The following RAB27A variants were observed in gnomAD, a reference collection of about 807,000 sequenced individuals.
RAB27A encodes ras-related protein Rab-27A.
In RAB27A, 17 loss-of-function variants were observed where a neutral mutation model predicts 20.8. That is an observed-to-expected ratio of 0.82 (90% CI 0.56 to 1.23). The LOEUF is 1.23. Among genes scored for constraint, RAB27A ranks in the 50% most tolerant of loss-of-function variants. The pLI, the probability that RAB27A is intolerant of heterozygous loss-of-function variation, is 0.00. For missense variants in RAB27A, 277 were observed against 266.7 expected (o/e 1.04, Z -0.27); for synonymous variants, 85 against 92.8 (o/e 0.92, Z 0.48).
Position 55,205,654 on chromosome 15 carries a change from TGCTTG to T in RAB27A, c.514_518del (p.Gln172AsnfsTer2), listed in dbSNP as rs767481076. 24 of 1,614,030 alleles carry T rather than the reference TGCTTG, an allele frequency of 1.5e-5. No homozygotes were observed. Among genetic ancestry groups the T allele is most frequent in the Non-Finnish European group, 2.0e-5 (24 of 1,180,034 alleles). ...TTATCAGGTCCAGAAGCATCTCAATTGCTTGGCTTATGTTTGTCCCATTGGCAGCA... is the reference window on the plus strand; with the variant it reads ...TTATCAGGTCCAGAAGCATCTCAATTGCTTATGTTTGTCCCATTGGCAGCA... On this transcript the variant is annotated frameshift_variant, in exon 7 of 7. Transcript: ENST00000336787. LOFTEE classifies it high-confidence loss of function.
intron 6 of RAB27A, among the ~76,000 whole-genome samples, chr15:55,216,412 A>C (rs1895306420): frequency 6.6e-6 from 1 of 152,088 alleles, no homozygotes; most frequent in South Asian, 2.1e-4. Context: ...ACGTGCCTGT[A>C]GTCCCAGCTA....
intron 2 of RAB27A, among the ~76,000 whole-genome samples, chr15:55,235,631 G>A (rs1261092817): frequency 6.6e-6 from 1 of 152,002 alleles, no homozygotes; most frequent in East Asian, 1.9e-4. Context: ...AATGTTATAA[G>A]GAATAACAGT....
At chr15:55,254,153 T>C (rs1896997425) in intron 2 of RAB27A, among the ~76,000 whole-genome samples, 1 of 152,226 alleles carries the variant, frequency 6.6e-6, no homozygotes, top group African/African-American at 2.4e-5. Context: ...AGTTAGACTT[T>C]ATATACCAAC....
intron 2 of RAB27A, among the ~76,000 whole-genome samples, chr15:55,307,436 A>G (rs1395274925): frequency 6.6e-6 from 1 of 151,752 alleles, no homozygotes; most frequent in Non-Finnish European, 1.5e-5. Flanking sequence ...ATGTCGTTTG[A>G]GTGTTTCATT....
intron 2 of RAB27A, among the ~76,000 whole-genome samples, chr15:55,243,510 G>C (rs1300131448): frequency 2.6e-5 from 4 of 151,730 alleles, no homozygotes; most frequent in Non-Finnish European, 1.5e-5. Flanking sequence ...CAAAAAATTG[G>C]CTGGGCATGG....
chr15:55,285,854 T>C (rs1898137852), intron 1 of RAB27A, among the ~76,000 whole-genome samples: 1 of 152,232 alleles, frequency 6.6e-6, no homozygotes, highest in Admixed American at 6.5e-5. Flanking sequence ...GCCAACACCC[T>C]GGAGATAGGC....
intron 2 of RAB27A, among the ~76,000 whole-genome samples, chr15:55,311,722 C>T (rs1417376108): frequency 4.6e-5 from 7 of 152,168 alleles, no homozygotes; most frequent in Non-Finnish European, 7.3e-5. Context: ...AAGAGGATAT[C>T]GTGGCCAGGT....
intron 6 of RAB27A, among the ~76,000 whole-genome samples, chr15:55,211,793 T>A (rs1895038118): frequency 6.6e-6 from 1 of 152,146 alleles, no homozygotes; most frequent in Admixed American, 6.5e-5. Flanking sequence ...CTTATACAGG[T>A]CCTCATATAC....
intron 1 of RAB27A, among the ~76,000 whole-genome samples, chr15:55,280,603 C>A: frequency 6.6e-6 from 1 of 151,342 alleles, no homozygotes; most frequent in East Asian, 1.9e-4. Context: ...TGGTTTGCTG[C>A]ACCCATCAAC....
At chr15:55,217,316 T>G (rs1479724921) in intron 6 of RAB27A, among the ~76,000 whole-genome samples, 1 of 151,892 alleles carries the variant, frequency 6.6e-6, no homozygotes, top group Non-Finnish European at 1.5e-5. Context: ...TCTAGCAAAC[T>G]AGATGAGAGC....
At chr15:55,220,506 G>A (rs1409427820) in intron 6 of RAB27A, among the ~76,000 whole-genome samples, 1 of 151,944 alleles carries the variant, frequency 6.6e-6, no homozygotes, top group Non-Finnish European at 1.5e-5. Flanking sequence ...CCTGACCTCC[G>A]GTGATCCACC....
At chr15:55,219,708 G>A (rs1487854520) in intron 6 of RAB27A, among the ~76,000 whole-genome samples, 2 of 152,172 alleles carry the variant, frequency 1.3e-5, no homozygotes, top group African/African-American at 4.8e-5. Flanking sequence ...TTTTTAAAGT[G>A]TTTCAGTAAC....
intron 2 of RAB27A, among the ~76,000 whole-genome samples, chr15:55,303,214 G>A (rs1488678156): frequency 1.0e-5 from 1 of 96,424 alleles, no homozygotes; most frequent in Non-Finnish European, 2.0e-5. Context: ...ACTGGGAAGT[G>A]AGGAGCCCCT....
intron 2 of RAB27A, among the ~76,000 whole-genome samples, chr15:55,243,720 G>A (rs943052621): frequency 6.6e-6 from 1 of 151,828 alleles, no homozygotes; most frequent in African/African-American, 2.4e-5. Flanking sequence ...AATATTGATT[G>A]AATACTTATT....
chr15:55,277,878 C>T lies in RAB27A; in HGVS notation c.-142-7594G>A, dbSNP rs376079813. Among the ~76,000 whole-genome samples the T allele has an allele frequency of 2.6e-5, 4 of 152,310 alleles. No homozygotes were observed. In the East Asian group the frequency reaches 5.8e-4, roughly 22 times the overall value. On this transcript the variant is annotated intron_variant, in intron 1 of 6. Transcript: ENST00000336787. ...AGTTATAGCACTGAAAGTCATGCAT[C>T]CCGGGAAACCATATCCCAGCATTGG...
At chr15:55,241,600 T>TTATATATATATATATATATATATATATA (rs58693379) in intron 2 of RAB27A, among the ~76,000 whole-genome samples, 3 of 123,874 alleles carry the variant, frequency 2.4e-5, no homozygotes, top group African/African-American at 1.3e-4. Flanking sequence ...CAAGACCTAT[T>TTATATATATATATATATATATATATATA]TATATATATA....
chr15:55,302,801 C>A (rs1268299224), intron 2 of RAB27A, among the ~76,000 whole-genome samples: 1 of 140,880 alleles, frequency 7.1e-6, no homozygotes, highest in Non-Finnish European at 1.5e-5. Flanking sequence ...CTCTGCCCGG[C>A]CGCCCCGTCT....
chr15:55,302,709 A>G (rs1294862218), intron 2 of RAB27A, among the ~76,000 whole-genome samples: 11 of 108,850 alleles, frequency 1.0e-4, no homozygotes, highest in South Asian at 3.2e-4. Context: ...AGATGTGGGG[A>G]GCGCCTCTGC....
intron 4 of RAB27A, 42 bp from the exon 5 acceptor site, chr15:55,228,754 C>T (rs1402412813): frequency 7.2e-7 from 1 of 1,380,022 alleles, no homozygotes; most frequent in Admixed American, 1.7e-5. Flanking sequence ...ACCACGGCCC[C>T]ACTCCTGAAA....
Sources: allele counts gnomAD v4.1 joint callset (sites outside exome capture counted in the v4.1 genomes callset), GRCh38; gene constraint gnomAD v4.1.1; transcripts MANE v1.5; gene names NCBI Gene and HGNC (gene_info 2026-07-23, HGNC 2026-07-21).